GRK5: variants seen among roughly 807,000 people sequenced by gnomAD.
The protein encoded by GRK5 is g protein-coupled receptor kinase GRK5.
In GRK5, 40 loss-of-function variants were observed where a neutral mutation model predicts 78.4. The observed-to-expected ratio is 0.51, with a 90% CI of 0.40 to 0.66. GRK5 has a LOEUF of 0.66. Ranked by LOEUF, GRK5 falls within the 30% of genes least tolerant of loss-of-function variation. The pLI, the probability that GRK5 is intolerant of heterozygous loss-of-function variation, is 0.00. For missense variants in GRK5, 598 were observed against 759.9 expected (o/e 0.79, Z 2.50); for synonymous variants, 289 against 296.8 (o/e 0.97, Z 0.27).
intron 1 of GRK5, among the ~76,000 whole-genome samples, chr10:119,320,788 C>G (rs1850571082): frequency 6.6e-6 from 1 of 152,232 alleles, no homozygotes; most frequent in African/African-American, 2.4e-5. Flanking sequence ...TATGGGTGGT[C>G]AGGCCTGGGA....
intron 4 of GRK5, among the ~76,000 whole-genome samples, chr10:119,400,071 T>C (rs766287577): frequency 2.2e-4 from 33 of 152,254 alleles, no homozygotes; most frequent in Non-Finnish European, 4.4e-4. Flanking sequence ...GCACAGAGCC[T>C]CTTCTGCCTC....
chr10:119,396,097 A>G (rs1362154879), intron 3 of GRK5, among the ~76,000 whole-genome samples: 1 of 152,236 alleles, frequency 6.6e-6, no homozygotes, highest in Non-Finnish European at 1.5e-5. Flanking sequence ...AACTATAGCA[A>G]CTGTTTATTA....
intron 1 of GRK5, among the ~76,000 whole-genome samples, chr10:119,298,629 C>A (rs1328091964): frequency 2.6e-5 from 4 of 152,070 alleles, no homozygotes; most frequent in African/African-American, 9.7e-5. Context: ...CTCAACACCC[C>A]CTCCCTTAAT....
At chr10:119,218,514 A>G (rs1315192618) in intron 1 of GRK5, among the ~76,000 whole-genome samples, 3 of 152,226 alleles carry the variant, frequency 2.0e-5, no homozygotes, top group African/African-American at 7.2e-5. Context: ...CAGGAAGAAC[A>G]GCTTTAAGTG....
chr10:119,265,503 C>T (rs888983857), intron 1 of GRK5, among the ~76,000 whole-genome samples: 9 of 152,174 alleles, frequency 5.9e-5, no homozygotes, highest in African/African-American at 2.2e-4. Flanking sequence ...AGAAGAGAGA[C>T]CAGAGCTCGC....
chr10:119,383,901 G>A (rs1424463734), intron 3 of GRK5, among the ~76,000 whole-genome samples: 3 of 152,170 alleles, frequency 2.0e-5, no homozygotes, highest in Non-Finnish European at 2.9e-5. Flanking sequence ...ATTACCACTA[G>A]GCCATCGATT....
At chr10:119,208,841 G>T (rs1417569430) in intron 1 of GRK5, among the ~76,000 whole-genome samples, 4 of 152,086 alleles carry the variant, frequency 2.6e-5, no homozygotes, top group Admixed American at 6.5e-5. Context: ...GGTGCTTCCT[G>T]AAATGATTGT....
chr10:119,262,457 GCCC>G (rs893738267), intron 1 of GRK5, among the ~76,000 whole-genome samples: 1 of 140,250 alleles, frequency 7.1e-6, no homozygotes, highest in African/African-American at 2.6e-5. Flanking sequence ...TCCTGCCTCA[GCCC>G]CCCGAGTAGC....
intron 4 of GRK5, among the ~76,000 whole-genome samples, chr10:119,416,422 C>T (rs1852454067): frequency 6.6e-6 from 1 of 152,234 alleles, no homozygotes; most frequent in Admixed American, 6.5e-5. Flanking sequence ...GCTTATTTCC[C>T]ATGATCTTCA....
Position 119,284,177 on chromosome 10 carries a change from T to C in GRK5, c.53-42339T>C, listed in dbSNP as rs375778540. ...CAGCGCTGTCCAGTGGAAATAAACG[T>C]GAGCCTCTTATGAAGTAGAAAAAAT... is the stretch of plus-strand genomic sequence containing the variant. On this transcript the variant is annotated intron_variant, in intron 1 of 15. Transcript: ENST00000392870. Among the ~76,000 whole-genome samples, 69 of 152,280 alleles carry C rather than the reference T, an allele frequency of 4.5e-4. 1 individual carries two copies. Among genetic ancestry groups the C allele is most frequent in the East Asian group, 4.2e-3 (22 of 5,182 alleles).
chr10:119,237,016 C>G (rs1220234727), intron 1 of GRK5, among the ~76,000 whole-genome samples: 1 of 151,076 alleles, frequency 6.6e-6, no homozygotes, highest in Non-Finnish European at 1.5e-5. Context: ...ATCACCTGAC[C>G]AGCCTCTGGT....
chr10:119,378,879 A>C lies in GRK5; in HGVS notation c.149-1936A>C, dbSNP rs897770822. Among the ~76,000 whole-genome samples, 6 of 152,218 alleles carry C rather than the reference A, an allele frequency of 3.9e-5. No individual in the cohort carries two copies. Among genetic ancestry groups the C allele is most frequent in the African/African-American group, 1.4e-4 (6 of 41,466 alleles). ...TAGAACTGAGGCATGGCCACCCTTG[A>C]ACCTGTCATTATGGCCAGAGAGAGA... On this transcript the variant is annotated intron_variant, in intron 2 of 15. Coordinates refer to ENST00000392870, the MANE Select transcript of GRK5 (RefSeq NM_005308.3). This position sits in a 1 kb window ranked among gnomAD's most constrained non-coding sequence, Gnocchi z 4.5.
intron 1 of GRK5, among the ~76,000 whole-genome samples, chr10:119,306,162 G>C (rs564097226): frequency 6.6e-6 from 1 of 152,254 alleles, no homozygotes; most frequent in African/African-American, 2.4e-5. Context: ...GTCCTCTCTG[G>C]TTGGAAACAG....
chr10:119,412,165 G>A lies in GRK5; in HGVS notation c.340-11001G>A, dbSNP rs1022636211. On this transcript the variant is annotated intron_variant, in intron 4 of 15. Transcript: ENST00000392870. The surrounding 1 kb of genome is among the most constrained non-coding windows in gnomAD (Gnocchi z 4.3). ...TGCGCCCGGCCTCAGATCCGCTTCT[G>A]ATTGGAGGCTGTGCCCACCTTCATG... Among the ~76,000 whole-genome samples, 3 of 152,068 alleles carry A rather than the reference G, an allele frequency of 2.0e-5. No individual in the cohort carries two copies. The highest frequency in any genetic ancestry group is 2.9e-5 in the Non-Finnish European group (2 of 68,000).
At chr10:119,315,731 C>T (rs755917249) in intron 1 of GRK5, among the ~76,000 whole-genome samples, 23 of 152,318 alleles carry the variant, frequency 1.5e-4, no homozygotes, top group Non-Finnish European at 3.1e-4. Flanking sequence ...CACTGCCTTC[C>T]ACTCTGCAGA....
chr10:119,422,480 A>T (rs17095994), intron 4 of GRK5, among the ~76,000 whole-genome samples: 3 of 152,074 alleles, frequency 2.0e-5, no homozygotes, highest in Non-Finnish European at 4.4e-5. Flanking sequence ...GAGGCTGAGC[A>T]GTTAAGACCA....
At chr10:119,291,193 T>G (rs924409190) in intron 1 of GRK5, among the ~76,000 whole-genome samples, 7 of 152,126 alleles carry the variant, frequency 4.6e-5, no homozygotes, top group African/African-American at 1.7e-4. Context: ...ATCTTCATGT[T>G]TCGTGTAGAC....
intron 1 of GRK5, among the ~76,000 whole-genome samples, chr10:119,313,031 A>ATGGTGATGCTGATGGTG (rs1850397547): frequency 2.4e-4 from 1 of 4,104 alleles, no homozygotes; most frequent in African/African-American, 5.9e-4. Context: ...TGGTAATGGC[A>ATGGTGATGCTGATGGTG]GTGGTGATGG....
chr10:119,309,801 C>T (rs534992816), intron 1 of GRK5, among the ~76,000 whole-genome samples: 8 of 152,296 alleles, frequency 5.3e-5, no homozygotes, highest in South Asian at 4.1e-4. Flanking sequence ...CCAGCTCTTG[C>T]CTGTCCCTTG....
Sources: allele counts gnomAD v4.1 joint callset (sites outside exome capture counted in the v4.1 genomes callset), GRCh38; gene constraint gnomAD v4.1.1; non-coding constraint Gnocchi (gnomAD v3.1); transcripts MANE v1.5; gene names NCBI Gene and HGNC (gene_info 2026-07-23, HGNC 2026-07-21).